The following HHAT variants were observed in gnomAD, a reference collection of about 807,000 sequenced individuals.
HHAT encodes the protein hedgehog acyltransferase, also known as protein-cysteine N-palmitoyltransferase HHAT.
Under a neutral mutation model 70.8 loss-of-function variants are expected in HHAT, and 47 were observed. That is an observed-to-expected ratio of 0.66 (90% CI 0.53 to 0.85). The LOEUF (loss-of-function observed/expected upper bound fraction) is 0.85. Ranked by LOEUF, HHAT falls within the 40% of genes least tolerant of loss-of-function variation. HHAT has a pLI of 0.00. For missense variants in HHAT, 609 were observed against 604.8 expected (o/e 1.01, Z -0.07); for synonymous variants, 228 against 247.6 (o/e 0.92, Z 0.74).
At chr1:210,473,826 C>T (rs1326991172) in intron 8 of HHAT, among the ~76,000 whole-genome samples, 2 of 152,180 alleles carry the variant, frequency 1.3e-5, no homozygotes, top group Admixed American at 1.3e-4. Context: ...CCTACATCTG[C>T]TGGTCTTCAA....
intron 10 of HHAT, among the ~76,000 whole-genome samples, chr1:210,596,747 T>G (rs1274963483): frequency 6.6e-6 from 1 of 152,180 alleles, no homozygotes; most frequent in African/African-American, 2.4e-5. Context: ...TCATTTAGTT[T>G]CCTCAAAGTA....
intron 3 of HHAT, among the ~76,000 whole-genome samples, chr1:210,380,149 T>G (rs1388491334): frequency 6.6e-6 from 1 of 152,250 alleles, no homozygotes; most frequent in Non-Finnish European, 1.5e-5. Flanking sequence ...ATCTAATATA[T>G]TCTGTTTATT....
intron 3 of HHAT, among the ~76,000 whole-genome samples, chr1:210,373,863 G>A (rs2089816459): frequency 6.6e-6 from 1 of 152,160 alleles, no homozygotes; most frequent in Non-Finnish European, 1.5e-5. Context: ...CCAACTATGT[G>A]GCTGAGTTTA....
chr1:210,411,868 T>C (rs1405754983), intron 6 of HHAT, among the ~76,000 whole-genome samples: 2 of 152,202 alleles, frequency 1.3e-5, no homozygotes, highest in Non-Finnish European at 2.9e-5. Flanking sequence ...TGTGAACTCC[T>C]CTAGCCTCTA....
intron 7 of HHAT, among the ~76,000 whole-genome samples, chr1:210,460,308 T>C (rs138941688): frequency 2.0e-3 from 299 of 152,316 alleles, no homozygotes; most frequent in Admixed American, 4.4e-3. Flanking sequence ...TGTTGGGAAG[T>C]CATTCTGTCA....
rs80078024 is a variant in HHAT, at chr1:210,531,003, A to G, written c.1043+17815A>G. On this transcript the variant is annotated intron_variant, in intron 9 of 11. Transcript: ENST00000261458. ...GAGAAATGCATTGTTAGGCAATTTC[A>G]TCATTGTGCAACATCGTAGAGTGTA... 2.7e-3 allele frequency among the ~76,000 whole-genome samples: 407 copies of G among 152,356 alleles called. 2 individuals are homozygous for G. Among genetic ancestry groups the G allele is most frequent in the Middle Eastern group, 6.8e-3 (2 of 294 alleles).
At chr1:210,547,951 A>T (rs2095497702) in intron 9 of HHAT, among the ~76,000 whole-genome samples, 1 of 152,184 alleles carries the variant, frequency 6.6e-6, no homozygotes. Context: ...AAAACAGAAC[A>T]ATTTTCATGT....
intron 7 of HHAT, among the ~76,000 whole-genome samples, chr1:210,419,293 C>G (rs770062096): frequency 1.2e-4 from 18 of 152,262 alleles, no homozygotes; most frequent in Non-Finnish European, 2.1e-4. Context: ...CTTATCTACC[C>G]TTTCCTGTGT....
chr1:210,349,237 T>G (rs193221308), intron 2 of HHAT, among the ~76,000 whole-genome samples, 171 bp downstream of exon 2: 61 of 152,222 alleles, frequency 4.0e-4, no homozygotes, highest in African/African-American at 1.4e-3. Context: ...GTCCATTGAG[T>G]TTTCTACCCT....
chr1:210,453,748 T>C (rs963645017), intron 7 of HHAT, among the ~76,000 whole-genome samples: 1 of 152,224 alleles, frequency 6.6e-6, no homozygotes, highest in Non-Finnish European at 1.5e-5. Flanking sequence ...GATTCTTTAC[T>C]TTTTTGAAGG....
intron 10 of HHAT, among the ~76,000 whole-genome samples, chr1:210,609,830 A>G (rs1257319244): frequency 3.3e-5 from 5 of 152,180 alleles, no homozygotes; most frequent in African/African-American, 1.2e-4. Flanking sequence ...TGTCCCTTCA[A>G]AGGATGTGAT....
At chr1:210,405,823 T>C (rs2092307097) in intron 6 of HHAT, among the ~76,000 whole-genome samples, 2 of 152,250 alleles carry the variant, frequency 1.3e-5, no homozygotes, top group Non-Finnish European at 2.9e-5. Flanking sequence ...TGGTTTCTCA[T>C]ACCTCGGTTT....
At chr1:210,480,303 T>A (rs1372738339) in intron 8 of HHAT, among the ~76,000 whole-genome samples, 2 of 152,158 alleles carry the variant, frequency 1.3e-5, no homozygotes, top group Non-Finnish European at 2.9e-5. Context: ...GAGTCAAAGT[T>A]GAGCCAGCAA....
At chr1:210,446,368 A>G (rs2093634975) in intron 7 of HHAT, among the ~76,000 whole-genome samples, 1 of 152,196 alleles carries the variant, frequency 6.6e-6, no homozygotes, top group African/African-American at 2.4e-5. Flanking sequence ...TGGAAAAAAT[A>G]CCATATTAAC....
intron 5 of HHAT, among the ~76,000 whole-genome samples, chr1:210,401,146 C>T (rs77071377): frequency 0.19 from 28,597 of 152,076 alleles, 2,860 homozygotes; most frequent in African/African-American, 0.26. Context: ...CGGAGTCTTG[C>T]TCTGTCACCC....
At chr1:210,496,251 G>A (rs1230151072) in intron 8 of HHAT, among the ~76,000 whole-genome samples, 1 of 152,094 alleles carries the variant, frequency 6.6e-6, no homozygotes, top group East Asian at 1.9e-4. Context: ...CCAGGCCTAT[G>A]CCTGTGGCTG....
intron 1 of HHAT, 189 bp downstream of exon 1, chr1:210,329,293 C>CG: frequency 8.2e-7 from 1 of 1,224,132 alleles, no homozygotes; most frequent in East Asian, 3.2e-5. Flanking sequence ...GCGGGGGCCG[C>CG]GCGCGCAGTG....
At chr1:210,419,622 A>G (rs116434717) in intron 7 of HHAT, among the ~76,000 whole-genome samples, 140 of 152,330 alleles carry the variant, frequency 9.2e-4, no homozygotes, top group African/African-American at 3.2e-3. Flanking sequence ...AACATTTCAT[A>G]GATCTTCTTA....
chr1:210,528,742 A>G (rs1044667147), intron 9 of HHAT, among the ~76,000 whole-genome samples: 32 of 152,112 alleles, frequency 2.1e-4, no homozygotes, highest in African/African-American at 7.5e-4. Context: ...ATTAGGGTAG[A>G]TTTGTTTGCA....
Sources: allele counts gnomAD v4.1 joint callset (sites outside exome capture counted in the v4.1 genomes callset), GRCh38; gene constraint gnomAD v4.1.1; transcripts MANE v1.5; gene names NCBI Gene and HGNC (gene_info 2026-07-23, HGNC 2026-07-21).